The following ABCC1 variants were observed in gnomAD, a reference collection of about 807,000 sequenced individuals.
The protein encoded by ABCC1 is multidrug resistance-associated protein 1.
A neutral mutation model predicts 172.9 loss-of-function variants in ABCC1; 83 were observed. The observed-to-expected ratio is 0.48, with a 90% CI of 0.40 to 0.58. The LOEUF is 0.58. ABCC1 is among the 20% of genes least tolerant of loss of function. The pLI is 0.00. For missense variants in ABCC1, 1,817 were observed against 2,002.7 expected (o/e 0.91, Z 1.77); for synonymous variants, 937 against 825.2 (o/e 1.14, Z -2.32).
intron 12 of ABCC1, among the ~76,000 whole-genome samples, chr16:16,064,351 C>A (rs1366083895): frequency 6.6e-6 from 1 of 152,188 alleles, no homozygotes; most frequent in Non-Finnish European, 1.5e-5. Context: ...CTGCAGGGAA[C>A]CTGTTAAAGC....
intron 1 of ABCC1, among the ~76,000 whole-genome samples, chr16:15,953,647 G>C (rs982804262): frequency 6.6e-6 from 1 of 152,134 alleles, no homozygotes; most frequent in Non-Finnish European, 1.5e-5. Flanking sequence ...AATTTTTGCT[G>C]TTGCACCAAC....
intron 11 of ABCC1, among the ~76,000 whole-genome samples, chr16:16,054,946 T>C (rs2049587245): frequency 6.6e-6 from 1 of 152,164 alleles, no homozygotes; most frequent in Non-Finnish European, 1.5e-5. Context: ...TTAACAACCA[T>C]GGGCCAGGCA....
At chr16:16,087,156 G>T (rs1469894644) in intron 18 of ABCC1, among the ~76,000 whole-genome samples, 165 bp downstream of exon 18, 1 of 152,156 alleles carries the variant, frequency 6.6e-6, no homozygotes, top group African/African-American at 2.4e-5. Context: ...TCCTAAGACA[G>T]CCGTCTTGTA....
At position 16,062,634 on chromosome 16, in the gene ABCC1, C is replaced by G. The variant is rs192986659; in HGVS notation, c.1678-5522C>G. Among the ~76,000 whole-genome samples, 7 of 152,290 alleles carry G rather than the reference C, an allele frequency of 4.6e-5. No homozygotes were observed. The East Asian group carries it at 1.4e-3, about 29-fold the overall frequency. ...GGGCCTGGGTGTCAGCTGGGGAGAC[C>G]TTGTCCTGGCCGAGGCATCGAAGCC... On this transcript the variant is annotated intron_variant, in intron 12 of 30. Coordinates refer to ENST00000399410, the MANE Select transcript of ABCC1 (RefSeq NM_004996.4).
In ABCC1 at chr16:16,125,735, A is replaced by C. The variant is rs564025734; in HGVS notation, c.3718-75A>C. ...AAAATAATTTGTTTCCTATTATCTCAGTGGAAAAAAAGAAAAAGGAAAGTC... is the reference window on the plus strand; with the variant it reads ...AAAATAATTTGTTTCCTATTATCTCCGTGGAAAAAAAGAAAAAGGAAAGTC... On this transcript the variant is annotated intron_variant, in intron 25 of 30. Coordinates refer to ENST00000399410, the MANE Select transcript of ABCC1 (RefSeq NM_004996.4). 6.4e-5 allele frequency: 64 copies of C among 999,542 alleles called. No individual in the cohort carries two copies. The African/African-American group carries it at 1.1e-3, about 17-fold the overall frequency. 61.9% of individuals were successfully genotyped at this position (999,542 alleles called of 1,614,324 possible).
chr16:16,117,712 C>T (rs947231531), intron 23 of ABCC1, among the ~76,000 whole-genome samples: 12 of 152,176 alleles, frequency 7.9e-5, no homozygotes, highest in African/African-American at 2.2e-4. Flanking sequence ...TCGAGAGCAG[C>T]CTGACCAATA....
At chr16:16,081,840 C>T (rs542853570) in intron 16 of ABCC1, among the ~76,000 whole-genome samples, 3 of 151,922 alleles carry the variant, frequency 2.0e-5, no homozygotes, top group Non-Finnish European at 4.4e-5. Context: ...ACCAGCATGG[C>T]GAAACCCCGT....
chr16:16,076,982 C>G (rs2050600529), intron 15 of ABCC1, among the ~76,000 whole-genome samples: 1 of 152,166 alleles, frequency 6.6e-6, no homozygotes, highest in Admixed American at 6.6e-5. Flanking sequence ...CTGCTGAACT[C>G]CAGTGCCCCT....
chr16:16,010,037 CTTTTTTTTTT>C lies in ABCC1; in HGVS notation c.351+150_351+159del, dbSNP rs71388789. 91 of 108,136 alleles carry C rather than the reference CTTTTTTTTTT, an allele frequency of 8.4e-4. 2 individuals are homozygous for C. Among genetic ancestry groups the C allele is most frequent in the South Asian group, 2.5e-3 (12 of 4,862 alleles). 6.7% of individuals were successfully genotyped at this position (108,136 alleles called of 1,614,324 possible). A position where few individuals can be genotyped will look rare whatever the true frequency, so the allele number is the denominator to read the frequency against. The stretch of plus-strand genomic sequence containing the variant: ...AGCTGGGATATAAATTAAATGTAGC[CTTTTTTTTTT>C]TTTTTTTTTTTTTAAAGACATGAGA... On this transcript the variant is annotated intron_variant, in intron 3 of 30. Transcript: ENST00000399410.
At chr16:15,990,405 A>G (rs1013600473) in intron 1 of ABCC1, among the ~76,000 whole-genome samples, 1 of 152,174 alleles carries the variant, frequency 6.6e-6, no homozygotes, top group Admixed American at 6.6e-5. Context: ...TATTCTGTAC[A>G]GTAGACCGTA....
chr16:16,001,313 G>A (rs1040336706), intron 1 of ABCC1, among the ~76,000 whole-genome samples: 5 of 152,098 alleles, frequency 3.3e-5, no homozygotes, highest in African/African-American at 2.4e-5. Context: ...CCGGGTGCAC[G>A]CCATTCTCCT....
At chr16:16,097,439 C>T (rs1021284144) in intron 19 of ABCC1, among the ~76,000 whole-genome samples, 1 of 152,128 alleles carries the variant, frequency 6.6e-6, no homozygotes, top group African/African-American at 2.4e-5. Flanking sequence ...GGTTGTCTCT[C>T]CATCCCCAGG....
intron 11 of ABCC1, among the ~76,000 whole-genome samples, chr16:16,053,880 G>A (rs1432805888): frequency 6.8e-6 from 1 of 146,468 alleles, no homozygotes; most frequent in Non-Finnish European, 1.5e-5. Context: ...CTCAACCACT[G>A]CAAATATATA....
At chr16:16,104,500 A>C (rs1389930137) in intron 20 of ABCC1, among the ~76,000 whole-genome samples, 2 of 152,200 alleles carry the variant, frequency 1.3e-5, no homozygotes, top group Non-Finnish European at 2.9e-5. Flanking sequence ...GTGTGTTTAC[A>C]AACCTTGAGC....
chr16:16,037,568 A>G (rs1385426594), intron 7 of ABCC1, among the ~76,000 whole-genome samples: 3 of 152,224 alleles, frequency 2.0e-5, no homozygotes, highest in African/African-American at 7.2e-5. Flanking sequence ...TGTGGGTGAC[A>G]TGGGGGCAGT....
intron 2 of ABCC1, among the ~76,000 whole-genome samples, chr16:16,008,780 T>G (rs1351743426): frequency 6.8e-6 from 1 of 146,172 alleles, no homozygotes; most frequent in African/African-American, 2.6e-5. Flanking sequence ...GAGGCAGAGG[T>G]TGCAGTGAAC....
intron 24 of ABCC1, among the ~76,000 whole-genome samples, chr16:16,123,986 C>T (rs925296983): frequency 6.6e-6 from 1 of 152,146 alleles, no homozygotes; most frequent in Non-Finnish European, 1.5e-5. Flanking sequence ...CATCCACACT[C>T]CAGCCTGGAT....
At chr16:16,002,626 G>A (rs2047354464) in intron 1 of ABCC1, among the ~76,000 whole-genome samples, 1 of 152,076 alleles carries the variant, frequency 6.6e-6, no homozygotes, top group Non-Finnish European at 1.5e-5. Flanking sequence ...TACAAAATTA[G>A]CTGGGCATGG....
At chr16:16,022,383 G>A (rs1196543239) in intron 5 of ABCC1, among the ~76,000 whole-genome samples, 1 of 152,130 alleles carries the variant, frequency 6.6e-6, no homozygotes, top group East Asian at 1.9e-4. Context: ...CCAGAGCTCC[G>A]GCCGGTCCCC....
Sources: gnomAD v4.1 joint callset for allele counts (sites outside exome capture counted in the v4.1 genomes callset) on GRCh38, gnomAD v4.1.1 for gene constraint, MANE v1.5 for transcripts, NCBI Gene and HGNC (gene_info 2026-07-23, HGNC 2026-07-21) for gene names.